SCRG1: variants seen among roughly 807,000 people sequenced by gnomAD.
SCRG1 encodes the protein scrapie-responsive protein 1.
Under a neutral mutation model 7.7 loss-of-function variants are expected in SCRG1, and 3 were observed. The ratio of observed to expected loss-of-function variants is 0.39; its 90% CI spans 0.18 to 1.01. SCRG1 has a LOEUF of 1.01. Among genes scored for constraint, SCRG1 ranks in the 50% least tolerant of loss-of-function variants. The pLI is 0.36. For missense variants in SCRG1, 110 were observed against 117.2 expected (o/e 0.94, Z 0.28); for synonymous variants, 46 against 41.2 (o/e 1.12, Z -0.44).
the SCRG1 span, among the ~76,000 whole-genome samples, chr4:173,494,696 C>A: frequency 6.6e-6 from 1 of 152,220 alleles, no homozygotes; most frequent in Non-Finnish European, 1.5e-5. Flanking sequence ...GAGCCCAGGG[C>A]AGCCAGGCTG....
chr4:173,481,426 A>G, the SCRG1 span, among the ~76,000 whole-genome samples: 1 of 152,222 alleles, frequency 6.6e-6, no homozygotes, highest in African/African-American at 2.4e-5. Context: ...CACAATTTAT[A>G]AATAATTATG....
Position 173,388,212 on chromosome 4 carries a change from C to CTAAGACAAGTAAATCTGTG in SCRG1, c.*128_*129insCACAGATTTACTTGTCTTA. ...ACTTGTTTAACACAGATTTACTTGT[C>CTAAGACAAGTAAATCTGTG]TTAGACAAGTAAGAATTTATAGAAT... On this transcript the variant is annotated 3_prime_UTR_variant, in exon 3 of 3. Transcript: ENST00000296506. 3 of 556,636 alleles carry CTAAGACAAGTAAATCTGTG rather than the reference C, an allele frequency of 5.4e-6. No individual in the cohort carries two copies. The highest frequency in any genetic ancestry group is 9.4e-6 in the Non-Finnish European group (3 of 319,630). The allele number at this position is 556,636 out of a possible 1,614,324, so 34.5% of individuals were successfully genotyped here.
At chr4:173,413,482 A>T in the SCRG1 span, among the ~76,000 whole-genome samples, 2 of 152,244 alleles carry the variant, frequency 1.3e-5, no homozygotes, top group African/African-American at 4.8e-5. Context: ...TGCATGCATT[A>T]AAGTGCCCCC....
At chr4:173,489,770 A>G in the SCRG1 span, among the ~76,000 whole-genome samples, 1 of 152,198 alleles carries the variant, frequency 6.6e-6, no homozygotes, top group African/African-American at 2.4e-5. Context: ...GAGGTTAATG[A>G]GGAAAATGTA....
At chr4:173,481,615 C>G in the SCRG1 span, among the ~76,000 whole-genome samples, 12 of 152,186 alleles carry the variant, frequency 7.9e-5, 1 homozygote, top group South Asian at 2.5e-3. Context: ...TCTGCCACCC[C>G]TGAGACAGCA....
At chr4:173,463,612 TGA>T in the SCRG1 span, among the ~76,000 whole-genome samples, 1 of 152,210 alleles carries the variant, frequency 6.6e-6, no homozygotes, top group Admixed American at 6.5e-5. Context: ...GAACCTGAAC[TGA>T]GAAGCAGTAG....
the SCRG1 span, among the ~76,000 whole-genome samples, chr4:173,517,688 G>A: frequency 6.6e-6 from 1 of 152,176 alleles, no homozygotes; most frequent in African/African-American, 2.4e-5. Flanking sequence ...TCTGTGGAGG[G>A]GGCTTATTGG....
At chr4:173,488,405 C>G in the SCRG1 span, among the ~76,000 whole-genome samples, 1 of 152,142 alleles carries the variant, frequency 6.6e-6, no homozygotes, top group Non-Finnish European at 1.5e-5. Context: ...GGAAATCAGC[C>G]TCTTATGAAT....
the SCRG1 span, among the ~76,000 whole-genome samples, chr4:173,418,321 C>T: frequency 6.6e-6 from 1 of 152,142 alleles, no homozygotes; most frequent in African/African-American, 2.4e-5. Context: ...CCTGCTTCAG[C>T]CTTGACCTCC....
chr4:173,430,705 G>C, the SCRG1 span, among the ~76,000 whole-genome samples: 2 of 151,386 alleles, frequency 1.3e-5, no homozygotes, highest in East Asian at 3.9e-4. Flanking sequence ...TACTTGGGAG[G>C]CTGAAGTGAG....
chr4:173,442,583 T>C, the SCRG1 span, among the ~76,000 whole-genome samples: 1 of 152,206 alleles, frequency 6.6e-6, no homozygotes. Flanking sequence ...TGTTTTTCTA[T>C]CCATTTGTCT....
At chr4:173,440,521 T>A in the SCRG1 span, among the ~76,000 whole-genome samples, 1 of 152,194 alleles carries the variant, frequency 6.6e-6, no homozygotes, top group East Asian at 1.9e-4. Flanking sequence ...CAGAAATTAG[T>A]AAGCTATGCT....
At chr4:173,469,161 T>G in the SCRG1 span, 4 of 152,182 alleles carry the variant, frequency 2.6e-5, no homozygotes, top group Non-Finnish European at 5.9e-5. Context: ...TCTTGGATAT[T>G]GGTGATGGGC....
chr4:173,434,377 C>A, the SCRG1 span, among the ~76,000 whole-genome samples: 1 of 152,120 alleles, frequency 6.6e-6, no homozygotes, highest in Non-Finnish European at 1.5e-5. Context: ...CTAAAGGAAT[C>A]CTTTCTCAGG....
upstream of SCRG1, among the ~76,000 whole-genome samples, chr4:173,408,846 A>G (rs1346938790): frequency 1.3e-5 from 2 of 152,046 alleles, no homozygotes; most frequent in Non-Finnish European, 2.9e-5. Flanking sequence ...ACAAAAAATT[A>G]GCCGGATGTG....
At chr4:173,470,996 C>G in the SCRG1 span, among the ~76,000 whole-genome samples, 15 of 152,208 alleles carry the variant, frequency 9.9e-5, no homozygotes, top group South Asian at 2.9e-3. Context: ...CTGAAAATGC[C>G]ATATGCTTTT....
chr4:173,461,907 C>G, the SCRG1 span, among the ~76,000 whole-genome samples: 1 of 151,574 alleles, frequency 6.6e-6, no homozygotes, highest in Admixed American at 6.6e-5. Flanking sequence ...AATTCTGGAG[C>G]CAAAAAATGC....
At chr4:173,424,447 T>C in the SCRG1 span, among the ~76,000 whole-genome samples, 2 of 152,210 alleles carry the variant, frequency 1.3e-5, no homozygotes, top group African/African-American at 4.8e-5. Context: ...AGCTGTTTCT[T>C]CTAACCCACA....
the SCRG1 span, among the ~76,000 whole-genome samples, chr4:173,463,958 G>A: frequency 6.6e-6 from 1 of 152,082 alleles, no homozygotes; most frequent in Non-Finnish European, 1.5e-5. Context: ...GACAATGGGG[G>A]GAGAATGCCA....
Sources: allele counts gnomAD v4.1 joint callset (sites outside exome capture counted in the v4.1 genomes callset), GRCh38; gene constraint gnomAD v4.1.1; transcripts MANE v1.5; gene names NCBI Gene and HGNC (gene_info 2026-07-23, HGNC 2026-07-21).